The following TBCD variants were observed in gnomAD, a reference collection of about 807,000 sequenced individuals.
The protein encoded by TBCD is tubulin-specific chaperone D.
TBCD carries 105 observed loss-of-function variants against 169.3 expected under a neutral mutation model. The observed-to-expected ratio is 0.62, with a 90% CI of 0.53 to 0.73. The LOEUF (loss-of-function observed/expected upper bound fraction) is 0.73, where lower values mean the gene tolerates loss of function less well. TBCD is among the 30% of genes least tolerant of loss of function. The probability of loss-of-function intolerance (pLI) is 0.00; values close to 1 mark genes in which losing one functional copy is unlikely to be tolerated. For missense variants in TBCD, 1,444 were observed against 1,600.1 expected, an observed-to-expected ratio of 0.90 and a Z score of 1.66; for synonymous variants, 700 against 643.9, an observed-to-expected ratio of 1.09 and a Z score of -1.32.
intron 2 of TBCD, among the ~76,000 whole-genome samples, chr17:82,758,647 G>T (rs113067830): frequency 0.052 from 6,797 of 131,198 alleles, 542 homozygotes; most frequent in African/African-American, 0.19. Flanking sequence ...CCACCCTTTT[G>T]CTTTTTTTTT....
intron 15 of TBCD, among the ~76,000 whole-genome samples, chr17:82,888,608 C>G (rs1441306008): frequency 6.6e-6 from 1 of 152,016 alleles, no homozygotes; most frequent in African/African-American, 2.4e-5. Flanking sequence ...TCCAGCCCAG[C>G]CCAGGGGTCT....
At chr17:82,774,196 G>A (rs1016081569) in intron 6 of TBCD, among the ~76,000 whole-genome samples, 4 of 152,086 alleles carry the variant, frequency 2.6e-5, no homozygotes, top group East Asian at 1.9e-4. Context: ...AGGACCCTGC[G>A]GCCTTCCGCA....
At chr17:82,848,702 A>G (rs987625550) in intron 13 of TBCD, among the ~76,000 whole-genome samples, 1 of 152,212 alleles carries the variant, frequency 6.6e-6, no homozygotes, top group Non-Finnish European at 1.5e-5. Flanking sequence ...AATAACAGTG[A>G]AAAACCTAAC....
At chr17:82,910,922 T>C (rs2060595520) in intron 22 of TBCD, among the ~76,000 whole-genome samples, 1 of 152,198 alleles carries the variant, frequency 6.6e-6, no homozygotes, top group African/African-American at 2.4e-5. Flanking sequence ...CTGTTCTCCT[T>C]TACCTTCGAG....
intron 13 of TBCD, among the ~76,000 whole-genome samples, chr17:82,841,087 C>T (rs368846174): frequency 1.0e-3 from 155 of 149,284 alleles, no homozygotes; most frequent in African/African-American, 3.2e-3. Context: ...GGACTACAGG[C>T]GCCTGCCACC....
chr17:82,774,792 G>A (rs1226687719), intron 6 of TBCD, among the ~76,000 whole-genome samples: 2 of 152,312 alleles, frequency 1.3e-5, no homozygotes, highest in East Asian at 1.9e-4. Flanking sequence ...ATTGTGTACC[G>A]TTCTGACTGA....
At chr17:82,893,181 G>A (rs909143351) in intron 16 of TBCD, 4 of 254,364 alleles carry the variant, frequency 1.6e-5, no homozygotes, top group Non-Finnish European at 3.0e-5. Flanking sequence ...GTGGCATGGG[G>A]CTCAGGCCGA....
intron 27 of TBCD, 120 bp downstream of exon 27, chr17:82,925,177 G>A: frequency 1.2e-6 from 1 of 827,584 alleles, no homozygotes; most frequent in South Asian, 1.9e-5. Context: ...CTGGGAGGGG[G>A]TTCCTGGAAA....
At chr17:82,840,001 C>G (rs2054329871) in intron 13 of TBCD, 1 of 152,466 alleles carries the variant, frequency 6.6e-6, no homozygotes. Context: ...AGTACCTGTT[C>G]TCACGCTTGC....
intron 13 of TBCD, among the ~76,000 whole-genome samples, chr17:82,868,217 G>T (rs546626198): frequency 6.6e-6 from 1 of 152,186 alleles, no homozygotes; most frequent in Non-Finnish European, 1.5e-5. Context: ...TGGCCATGGC[G>T]GGGGCACCAC....
chr17:82,862,974 G>C (rs947826140), intron 13 of TBCD, among the ~76,000 whole-genome samples: 3 of 152,202 alleles, frequency 2.0e-5, no homozygotes. Context: ...TTGGTCTTGC[G>C]GTGTGGCTGG....
chr17:82,869,250 C>G (rs1416652819), intron 13 of TBCD, among the ~76,000 whole-genome samples: 1 of 152,214 alleles, frequency 6.6e-6, no homozygotes, highest in African/African-American at 2.4e-5. Flanking sequence ...TACAGTAAAA[C>G]TTTAGCTTCT....
At chr17:82,882,151 A>G (rs1164959666) in intron 14 of TBCD, among the ~76,000 whole-genome samples, 1 of 152,230 alleles carries the variant, frequency 6.6e-6, no homozygotes, top group African/African-American at 2.4e-5. Flanking sequence ...AGCCGCAGGG[A>G]GGACTTTCTC....
intron 13 of TBCD, among the ~76,000 whole-genome samples, chr17:82,815,678 G>C (rs1243730559): frequency 1.3e-5 from 2 of 152,216 alleles, no homozygotes; most frequent in South Asian, 2.1e-4. Flanking sequence ...TAGAGTGGGG[G>C]CCCATCCTGA....
chr17:82,754,972 G>A (rs2047325507), intron 1 of TBCD, among the ~76,000 whole-genome samples: 1 of 152,228 alleles, frequency 6.6e-6, no homozygotes, highest in South Asian at 2.1e-4. Context: ...TGCCCGTGAG[G>A]CAGCCTCAGG....
chr17:82,856,931 G>T (rs998410038), intron 13 of TBCD, among the ~76,000 whole-genome samples: 1 of 145,046 alleles, frequency 6.9e-6, no homozygotes, highest in African/African-American at 2.7e-5. Context: ...CCCTCGGTGC[G>T]CATCCAGGGC....
At position 82,874,704 on chromosome 17, in the gene TBCD, C is replaced by T. The variant is rs750063999; in HGVS notation, c.1475+4324C>T. Among the ~76,000 whole-genome samples the T allele has an allele frequency of 6.6e-6, 1 of 152,244 alleles. No individual in the cohort carries two copies. The highest frequency in any genetic ancestry group is 1.5e-5 in the Non-Finnish European group (1 of 68,040). ...GCCGGGCGGGCTGTGAGTCAGGCTG[C>T]ACCAGGTGAGCGTGTGGGATGCTGC... On this transcript the variant is annotated intron_variant, in intron 14 of 38. Transcript: ENST00000355528. This position sits in a 1 kb window ranked among gnomAD's most constrained non-coding sequence, Gnocchi z 5.0.
rs2062134119 is a variant in TBCD at position 82,930,808 on chromosome 17, C to G, written c.3113+165C>G. ...CTCAGCGAGGAAGATGTGCCTGCAG[C>G]ATATGGTTCTCCGGGCGGCCAGGCC... On this transcript the variant is annotated intron_variant, in intron 33 of 38. Transcript: ENST00000355528. This position sits in a 1 kb window ranked among gnomAD's most constrained non-coding sequence, Gnocchi z 5.2. 6.6e-6 allele frequency among the ~76,000 whole-genome samples: 1 copy of G among 152,206 alleles called. No individual in the cohort carries two copies. Among genetic ancestry groups the G allele is most frequent in the Non-Finnish European group, 1.5e-5 (1 of 68,036 alleles).
chr17:82,764,163 T>C, intron 3 of TBCD, 101 bp downstream of exon 3: 1 of 931,276 alleles, frequency 1.1e-6, no homozygotes, highest in South Asian at 1.6e-5. Flanking sequence ...AGATAGTTCT[T>C]AGACACAAGT....
Sources: allele counts gnomAD v4.1 joint callset (sites outside exome capture counted in the v4.1 genomes callset), GRCh38; gene constraint gnomAD v4.1.1; non-coding constraint Gnocchi (gnomAD v3.1); transcripts MANE v1.5; gene names NCBI Gene and HGNC (gene_info 2026-07-23, HGNC 2026-07-21).